CLTA: variants seen among roughly 807,000 people sequenced by gnomAD.
CLTA encodes clathrin, light polypeptide (Lca).
CLTA carries 9 observed loss-of-function variants against 26.9 expected under a neutral mutation model. The observed-to-expected ratio is 0.33, with a 90% CI of 0.20 to 0.58. The LOEUF (loss-of-function observed/expected upper bound fraction) is 0.58. Ranked by LOEUF, CLTA falls within the 20% of genes least tolerant of loss-of-function variation. The pLI, the probability that CLTA is intolerant of heterozygous loss-of-function variation, is 0.85. For missense variants in CLTA, 278 were observed against 294.2 expected (o/e 0.94, Z 0.40); for synonymous variants, 120 against 115.5 (o/e 1.04, Z -0.25).
chr9:36,211,564 G>A, intron 4 of CLTA, 39 bp from the exon 5 acceptor site: 5 of 1,561,426 alleles, frequency 3.2e-6, no homozygotes, highest in Admixed American at 1.8e-5. Context: ...GCTCAAAGGG[G>A]GTTCTGCATA....
At chr9:36,193,637 G>A (rs1826864468) in intron 1 of CLTA, among the ~76,000 whole-genome samples, 2 of 152,216 alleles carry the variant, frequency 1.3e-5, no homozygotes, top group South Asian at 4.1e-4. Context: ...GGTTTTAGGC[G>A]GGAGCTCTCT....
chr9:36,204,964 G>C (rs1827629908), intron 4 of CLTA, among the ~76,000 whole-genome samples: 1 of 152,178 alleles, frequency 6.6e-6, no homozygotes, highest in Non-Finnish European at 1.5e-5. Flanking sequence ...GCCAGACCGA[G>C]CCTGGGGATA....
At position 36,195,984 on chromosome 9, in the gene CLTA, T is replaced by A. The variant is rs192439738; in HGVS notation, c.218-1567T>A. 2.1e-3 allele frequency among the ~76,000 whole-genome samples: 306 copies of A among 148,578 alleles called. 2 individuals carry two copies. Among genetic ancestry groups the A allele is most frequent in the African/African-American group, 7.2e-3 (288 of 40,024 alleles). ...CTCCGTCTCAAAAAAAATAAAAAAATACATATCCTGGCTGGGCGCAGTGGC... is the reference window on the plus strand; with the variant it reads ...CTCCGTCTCAAAAAAAATAAAAAAAAACATATCCTGGCTGGGCGCAGTGGC... On this transcript the variant is annotated intron_variant, in intron 1 of 4. Coordinates refer to ENST00000345519, the MANE Select transcript of CLTA (RefSeq NM_001833.4).
At chr9:36,196,709 C>T (rs1013375393) in intron 1 of CLTA, among the ~76,000 whole-genome samples, 4 of 152,110 alleles carry the variant, frequency 2.6e-5, no homozygotes, top group African/African-American at 7.2e-5. Context: ...TATGCTTCCC[C>T]CATGCTTTCA....
intron 2 of CLTA, 63 bp from the exon 3 acceptor site, chr9:36,198,916 G>A: frequency 8.9e-7 from 1 of 1,118,830 alleles, no homozygotes; most frequent in Non-Finnish European, 1.4e-6. Context: ...TCTAACTCAG[G>A]TGAAGTGCAT....
intron 1 of CLTA, among the ~76,000 whole-genome samples, chr9:36,194,323 G>A (rs908933507): frequency 2.6e-5 from 4 of 152,214 alleles, no homozygotes; most frequent in East Asian, 3.8e-4. Context: ...CACCGCACCC[G>A]GTGACAAGTT....
intron 4 of CLTA, 131 bp from the exon 5 acceptor site, chr9:36,211,472 G>T (rs1040362652): frequency 3.2e-6 from 4 of 1,245,872 alleles, no homozygotes; most frequent in Admixed American, 2.3e-5. Flanking sequence ...TGGGCCAGGG[G>T]CTGTTATCTT....
chr9:36,201,326 A>G (rs1400521169), intron 3 of CLTA, among the ~76,000 whole-genome samples: 1 of 152,224 alleles, frequency 6.6e-6, no homozygotes, highest in African/African-American at 2.4e-5. Flanking sequence ...GCTGCTGGCT[A>G]CATTCTCAAG....
Position 36,196,814 on chromosome 9 carries a change from T to G in CLTA, c.218-737T>G, listed in dbSNP as rs186281179. On this transcript the variant is annotated intron_variant, in intron 1 of 4. Transcript: ENST00000345519. ...ATGCCTTAAAGTGGTAAAAGGCCACTGACAAACTATAAGAAACTCATTTTT... is the reference window on the plus strand; with the variant it reads ...ATGCCTTAAAGTGGTAAAAGGCCACGGACAAACTATAAGAAACTCATTTTT... 3.3e-5 allele frequency among the ~76,000 whole-genome samples: 5 copies of G among 152,310 alleles called. No homozygotes were observed. In the East Asian group the frequency reaches 9.7e-4, roughly 29 times the overall value.
intron 4 of CLTA, among the ~76,000 whole-genome samples, chr9:36,205,755 GTTTTTTT>G (rs746587996): frequency 1.1e-5 from 1 of 94,006 alleles, no homozygotes; most frequent in African/African-American, 4.1e-5. Context: ...AATGACACCT[GTTTTTTT>G]TTTTTTTTTT....
intron 4 of CLTA, 73 bp downstream of exon 4, chr9:36,204,252 G>T: frequency 6.6e-7 from 1 of 1,511,166 alleles, no homozygotes; most frequent in South Asian, 1.2e-5. Context: ...ATCCAGTCTC[G>T]GTTTTTGGCT....
intron 3 of CLTA, among the ~76,000 whole-genome samples, chr9:36,202,568 G>A (rs1827479245): frequency 1.3e-5 from 2 of 152,180 alleles, no homozygotes; most frequent in Non-Finnish European, 2.9e-5. Context: ...CAAAGTGTAA[G>A]CTTTACAGCC....
chr9:36,196,796 A>G (rs1827073458), intron 1 of CLTA, among the ~76,000 whole-genome samples: 1 of 152,220 alleles, frequency 6.6e-6, no homozygotes, highest in African/African-American at 2.4e-5. Context: ...CACATGCCTT[A>G]AAGTGGTAAA....
chr9:36,205,329 C>T (rs1352343230), intron 4 of CLTA, among the ~76,000 whole-genome samples: 1 of 152,128 alleles, frequency 6.6e-6, no homozygotes, highest in African/African-American at 2.4e-5. Flanking sequence ...GCTGGGTTGC[C>T]AGTGGTGATG....
chr9:36,209,555 A>G (rs1192598214), intron 4 of CLTA, among the ~76,000 whole-genome samples: 1 of 152,092 alleles, frequency 6.6e-6, no homozygotes, highest in Admixed American at 6.5e-5. Flanking sequence ...GGAGGGAAGA[A>G]AGCTAACTCG....
Position 36,190,931 on chromosome 9 carries a change from C to A in CLTA, c.-126C>A, listed in dbSNP as rs575103299. On this transcript the variant is annotated 5_prime_UTR_variant, in exon 1 of 5. Coordinates refer to ENST00000345519, the MANE Select transcript of CLTA (RefSeq NM_001833.4). ...ACACGGGTAGGGCTTCCGCTTTACC[C>A]GTCTCCCTCCTGGCGCTTGTCCTCC... 12 of 1,409,318 alleles carry A rather than the reference C, an allele frequency of 8.5e-6. No individual in the cohort carries two copies. Among genetic ancestry groups the A allele is most frequent in the South Asian group, 3.1e-5 (2 of 65,014 alleles). The allele number at this position is 1,409,318 out of a possible 1,614,324, so 87.3% of individuals were successfully genotyped here.
In CLTA at chr9:36,191,128, C is replaced by T. The variant is rs768841179; in HGVS notation, c.72C>T (p.Ala24=). The change falls in exon 1 of 5, where the codon GCC becomes GCT. Residue 24 remains alanine (A), a synonymous_variant. Transcript: ENST00000345519. The part of the protein sequence containing the change: ...PGGPALGNGV[A]GAGEEDPAAA... ...GTCCCGCGCTGGGGAACGGAGTGGC[C>T]GGCGCCGGCGAAGAAGACCCGGCTG... The T allele has an allele frequency of 8.1e-6, 13 of 1,600,460 alleles. No homozygotes were observed. In the South Asian group the frequency reaches 1.0e-4, roughly 12 times the overall value.
intron 1 of CLTA, among the ~76,000 whole-genome samples, chr9:36,194,140 C>G (rs1425216254): frequency 6.6e-6 from 1 of 152,216 alleles, no homozygotes; most frequent in East Asian, 1.9e-4. Flanking sequence ...GTTATCCTGC[C>G]TCAGCCTCCC....
Position 36,198,430 on chromosome 9 carries a change from A to G in CLTA, c.256-549A>G, listed in dbSNP as rs1269427356. Reference sequence around the variant, plus strand: ...GGTGGCTCACGCCTGTAATTCCAGCACTTTGGGAGGCTGGGGTGGGTGGAT... The same window carrying G: ...GGTGGCTCACGCCTGTAATTCCAGCGCTTTGGGAGGCTGGGGTGGGTGGAT... On this transcript the variant is annotated intron_variant, in intron 2 of 4. Coordinates refer to ENST00000345519, the MANE Select transcript of CLTA (RefSeq NM_001833.4). Among the ~76,000 whole-genome samples the G allele has an allele frequency of 2.6e-5, 4 of 151,042 alleles. No individual in the cohort carries two copies. The East Asian group carries it at 8.1e-4, about 31-fold the overall frequency.
Sources: gnomAD v4.1 joint callset for allele counts (sites outside exome capture counted in the v4.1 genomes callset) on GRCh38, gnomAD v4.1.1 for gene constraint, MANE v1.5 for transcripts, NCBI Gene and HGNC (gene_info 2026-07-23, HGNC 2026-07-21) for gene names.